The following RFT1 variants were observed in gnomAD, a reference collection of about 807,000 sequenced individuals.
RFT1 encodes RFT1 glycolipid translocator homolog, also known as man(5)GlcNAc(2)-PP-dolichol translocation protein RFT1.
In RFT1, 43 loss-of-function variants were observed where a neutral mutation model predicts 62.2. The observed-to-expected ratio is 0.69, with a 90% CI of 0.54 to 0.89. The LOEUF is 0.89. Among genes scored for constraint, RFT1 ranks in the 40% least tolerant of loss-of-function variants. RFT1 has a pLI of 0.00. For synonymous variants in RFT1, 262 were observed against 264.6 expected, an observed-to-expected ratio of 0.99 and a Z score of 0.10; for missense variants, 605 against 649.9, an observed-to-expected ratio of 0.93 and a Z score of 0.75.
At chr3:53,079,485 G>A in the RFT1 span, among the ~76,000 whole-genome samples, 1 of 152,214 alleles carries the variant, frequency 6.6e-6, no homozygotes, top group African/African-American at 2.4e-5. Context: ...TGTAATCCCA[G>A]CACTTTGGGA....
intron 1 of RFT1, among the ~76,000 whole-genome samples, chr3:53,127,067 T>C (rs1057062519): frequency 1.9e-4 from 29 of 152,220 alleles, no homozygotes; most frequent in Admixed American, 3.3e-4. Context: ...TTAACCGTTA[T>C]GGAGTCAAAG....
chr3:53,113,124 TC>T (rs1477753491), intron 6 of RFT1, among the ~76,000 whole-genome samples: 2 of 151,948 alleles, frequency 1.3e-5, no homozygotes, highest in Non-Finnish European at 2.9e-5. Context: ...CAAGCCATCT[TC>T]CCCCCTCAGC....
chr3:53,119,796 A>T (rs1701914123), intron 6 of RFT1, 88 bp downstream of exon 6: 1 of 1,215,726 alleles, frequency 8.2e-7, no homozygotes, highest in African/African-American at 1.5e-5. Context: ...ATTTATGATT[A>T]TAACAATAAA....
chr3:53,086,847 G>A (rs1055930653), downstream of RFT1, among the ~76,000 whole-genome samples: 6 of 152,128 alleles, frequency 3.9e-5, no homozygotes, highest in Non-Finnish European at 5.9e-5. Context: ...GCTCAGGATC[G>A]AGCTGCTGGT....
chr3:53,130,294 A>G (rs963538668), intron 1 of RFT1, 44 bp downstream of exon 1: 1 of 1,539,986 alleles, frequency 6.5e-7, no homozygotes, highest in African/African-American at 1.4e-5. Flanking sequence ...CATCCCGCGA[A>G]TCCCGGCTGC....
Position 53,091,776 on chromosome 3 carries a change from C to A in RFT1, c.*127G>T. 1 of 972,214 alleles carries A rather than the reference C, an allele frequency of 1.0e-6. No homozygotes were observed. Among genetic ancestry groups the A allele is most frequent in the South Asian group, 1.4e-5 (1 of 73,380 alleles). 60.2% of individuals were successfully genotyped at this position (972,214 alleles called of 1,614,324 possible). A position where few individuals can be genotyped will look rare whatever the true frequency, so the allele number is the denominator to read the frequency against. On this transcript the variant is annotated 3_prime_UTR_variant, in exon 13 of 13. Transcript: ENST00000296292. ...TCTCATGCAGTGGCACTCTCTGGTG[C>A]CTCATCTCTGGGGTTGCTGTCACTC...
chr3:53,110,510 T>C (rs527625976), intron 7 of RFT1, among the ~76,000 whole-genome samples: 1 of 152,142 alleles, frequency 6.6e-6, no homozygotes, highest in Non-Finnish European at 1.5e-5. Context: ...AGCAAAGTTA[T>C]AAGGTTAGGC....
chr3:53,085,829 A>G (rs2107051679), downstream of RFT1: 1 of 152,382 alleles, frequency 6.6e-6, no homozygotes, highest in African/African-American at 2.4e-5. Context: ...GCGCTGGAAC[A>G]AGGGCTAACT....
chr3:53,101,017 C>T (rs548962245), intron 10 of RFT1, among the ~76,000 whole-genome samples: 7 of 152,232 alleles, frequency 4.6e-5, no homozygotes, highest in East Asian at 1.9e-4. Flanking sequence ...ACTGAAGTTC[C>T]GGAGTCTCAG....
At chr3:53,069,782 G>T in the RFT1 span, among the ~76,000 whole-genome samples, 1 of 152,180 alleles carries the variant, frequency 6.6e-6, no homozygotes, top group Non-Finnish European at 1.5e-5. Flanking sequence ...GCACTGTGGC[G>T]GCCACTGCAG....
chr3:53,069,594 A>AACTC, the RFT1 span, among the ~76,000 whole-genome samples: 3 of 152,246 alleles, frequency 2.0e-5, no homozygotes, highest in Non-Finnish European at 4.4e-5. Flanking sequence ...AAGATAAGCA[A>AACTC]ACTCATAAGC....
At chr3:53,067,575 G>T in the RFT1 span, among the ~76,000 whole-genome samples, 3 of 152,146 alleles carry the variant, frequency 2.0e-5, no homozygotes, top group Admixed American at 6.5e-5. Context: ...GGTTACACAG[G>T]TGTGCACCTA....
rs1371949356 is a variant in RFT1 at position 53,091,783 on chromosome 3, T to G, written c.*120A>C. The G allele has an allele frequency of 1.0e-5, 11 of 1,067,194 alleles. No individual in the cohort carries two copies. Among genetic ancestry groups the G allele is most frequent in the African/African-American group, 1.5e-5 (1 of 64,976 alleles). The allele number at this position is 1,067,194 out of a possible 1,614,324, so 66.1% of individuals were successfully genotyped here. A position where few individuals can be genotyped will look rare whatever the true frequency, so the allele number is the denominator to read the frequency against. On this transcript the variant is annotated 3_prime_UTR_variant, in exon 13 of 13. Transcript: ENST00000296292. Reference sequence around the variant, plus strand: ...CAGTGGCACTCTCTGGTGCCTCATCTCTGGGGTTGCTGTCACTCCGCTGCA... The same window carrying G: ...CAGTGGCACTCTCTGGTGCCTCATCGCTGGGGTTGCTGTCACTCCGCTGCA...
intron 1 of RFT1, among the ~76,000 whole-genome samples, chr3:53,126,443 G>A (rs148394730): frequency 5.5e-4 from 84 of 152,182 alleles, no homozygotes; most frequent in Non-Finnish European, 1.1e-3. Flanking sequence ...GAAATCATGG[G>A]GACTAATTTC....
chr3:53,105,688 G>A lies in RFT1; in HGVS notation c.942C>T (p.Ala314=). ...CCAACATTACCTGCTTCTGAAGTGT[G>A]GCATCCTTTCCCCTCTCCAGCACCT... is the stretch of plus-strand genomic sequence containing the variant. The part of the protein sequence containing the change: ...FAKVLERGKD[A]TLQKQEDVAV... The change falls in exon 9 of 13, where the codon GCC becomes GCT. Residue 314 remains alanine, a synonymous_variant. Transcript: ENST00000296292. The A allele has an allele frequency of 1.2e-6, 2 of 1,613,672 alleles. No individual in the cohort carries two copies. Among genetic ancestry groups the A allele is most frequent in the Non-Finnish European group, 1.7e-6 (2 of 1,179,792 alleles).
At chr3:53,104,170 CCTT>C (rs1559586654) in intron 9 of RFT1, 73 bp from the exon 10 acceptor site, 3 of 1,480,728 alleles carry the variant, frequency 2.0e-6, no homozygotes, top group Non-Finnish European at 2.8e-6. Context: ...TCACGTCTGG[CCTT>C]CTCCCTTCAC....
the RFT1 span, among the ~76,000 whole-genome samples, chr3:53,070,845 C>T: frequency 6.6e-6 from 1 of 151,622 alleles, no homozygotes; most frequent in African/African-American, 2.4e-5. Flanking sequence ...AAGACCAGCC[C>T]GGCTCAGCCT....
the RFT1 span, among the ~76,000 whole-genome samples, chr3:53,069,738 C>T: frequency 6.6e-6 from 1 of 152,182 alleles, no homozygotes; most frequent in African/African-American, 2.4e-5. Flanking sequence ...TTCTACTTCC[C>T]AGCGCCTCCC....
At chr3:53,071,391 C>G in the RFT1 span, among the ~76,000 whole-genome samples, 93 of 152,270 alleles carry the variant, frequency 6.1e-4, 2 homozygotes, top group South Asian at 0.018. Context: ...GAGGTTGGTG[C>G]CCCAGATACT....
Sources: allele counts gnomAD v4.1 joint callset (sites outside exome capture counted in the v4.1 genomes callset), GRCh38; gene constraint gnomAD v4.1.1; transcripts MANE v1.5; gene names NCBI Gene and HGNC (gene_info 2026-07-23, HGNC 2026-07-21).